The following ARL14EPL variants were observed in gnomAD, a reference collection of about 807,000 sequenced individuals.
ARL14EPL encodes the protein ARF like GTPase 14 effector protein like, also known as ARL14 effector protein-like.
Under a neutral mutation model 15.9 loss-of-function variants are expected in ARL14EPL, and 17 were observed. The ratio of observed to expected loss-of-function variants is 1.07; its 90% confidence interval spans 0.73 to 1.60. The LOEUF (loss-of-function observed/expected upper bound fraction) is 1.60, where lower values mean the gene tolerates loss of function less well. Ranked by LOEUF, ARL14EPL falls within the 40% of genes most tolerant of loss-of-function variation. ARL14EPL has a pLI of 0.00. For missense variants in ARL14EPL, 214 were observed against 185.9 expected, an observed-to-expected ratio of 1.15 and a Z score of -0.88; for synonymous variants, 78 against 63.8, an observed-to-expected ratio of 1.22 and a Z score of -1.06.
At chr5:116,051,346 C>T (rs1749372886) in intron 1 of ARL14EPL, 111 bp from the exon 2 acceptor site, 1 of 701,990 alleles carries the variant, frequency 1.4e-6, no homozygotes, top group African/African-American at 1.8e-5. Flanking sequence ...CAGATACAGT[C>T]TGGTTTTGAA....
Position 116,040,849 on chromosome 5 carries a change from CG to C in ARL14EPL, c.-10+8347del, listed in dbSNP as rs1192216879. Among the ~76,000 whole-genome samples, 335 of 145,974 alleles carry C rather than the reference CG, an allele frequency of 2.3e-3. 2 individuals carry two copies. Among genetic ancestry groups the C allele is most frequent in the African/African-American group, 8.0e-3 (321 of 40,044 alleles). ...AAAAAAAATTAGTCGGGCGTGGTGG[CG>C]GGCGCCTGTAGTCCCAGCTACTCGG... On this transcript the variant is annotated intron_variant, in intron 1 of 3. Transcript: ENST00000686077.
intron 1 of ARL14EPL, among the ~76,000 whole-genome samples, chr5:116,044,076 T>C (rs1749218352): frequency 1.3e-5 from 2 of 152,204 alleles, no homozygotes; most frequent in Non-Finnish European, 2.9e-5. Flanking sequence ...CTCAAAAATA[T>C]AGCAGTGGCT....
At chr5:116,037,523 G>A (rs1315408663) in intron 1 of ARL14EPL, among the ~76,000 whole-genome samples, 1 of 149,830 alleles carries the variant, frequency 6.7e-6, no homozygotes, top group Non-Finnish European at 1.5e-5. Flanking sequence ...CTCATTCCTG[G>A]TCACTAAGAT....
At chr5:116,051,834 A>G in intron 2 of ARL14EPL, 1 of 1,030,716 alleles carries the variant, frequency 9.7e-7, no homozygotes, top group Non-Finnish European at 1.4e-6. Flanking sequence ...AATATATACA[A>G]ACGTTTTTAT....
At chr5:116,052,922 G>T (rs1749420505) in intron 2 of ARL14EPL, among the ~76,000 whole-genome samples, 1 of 152,172 alleles carries the variant, frequency 6.6e-6, no homozygotes. Context: ...CTTCAAAAGA[G>T]CATTTTCTTC....
At chr5:116,053,957 T>A in intron 2 of ARL14EPL, 57 bp from the exon 3 acceptor site, 1 of 1,430,566 alleles carries the variant, frequency 7.0e-7, no homozygotes, top group Admixed American at 2.4e-5. Context: ...TTTGGGGAAA[T>A]GTAAAACAGA....
chr5:116,043,875 G>A (rs1192188759), intron 1 of ARL14EPL, among the ~76,000 whole-genome samples: 2 of 152,094 alleles, frequency 1.3e-5, no homozygotes, highest in East Asian at 1.9e-4. Flanking sequence ...TGTTGCTGTA[G>A]TACATTAGCA....
At position 116,051,576 on chromosome 5, in the gene ARL14EPL, T is replaced by C; in HGVS notation, c.96+15T>C. The C allele has an allele frequency of 6.6e-7, 1 of 1,510,382 alleles. No homozygotes were observed. The highest frequency in any genetic ancestry group is 8.9e-7 in the Non-Finnish European group (1 of 1,123,902). 93.6% of individuals were successfully genotyped at this position (1,510,382 alleles called of 1,614,324 possible). ...AGAAACAACTGGTATGGCACACAGA[T>C]TCTATGATTCCATGCTACTGGGGAG... On this transcript the variant is annotated intron_variant, in intron 2 of 3. Transcript: ENST00000686077.
intron 3 of ARL14EPL, 59 bp from the exon 4 acceptor site, chr5:116,058,666 T>G: frequency 6.8e-7 from 1 of 1,464,356 alleles, no homozygotes; most frequent in African/African-American, 1.4e-5. Flanking sequence ...TACATTAATT[T>G]ATTCTCAATG....
chr5:116,056,854 C>T (rs1176264522), intron 3 of ARL14EPL, among the ~76,000 whole-genome samples: 2 of 152,136 alleles, frequency 1.3e-5, no homozygotes, highest in East Asian at 1.9e-4. Flanking sequence ...CCAATTTCAG[C>T]TTTCTACATA....
intron 1 of ARL14EPL, among the ~76,000 whole-genome samples, chr5:116,033,841 A>G (rs1749001600): frequency 1.3e-5 from 2 of 152,342 alleles, no homozygotes; most frequent in South Asian, 2.1e-4. Flanking sequence ...AAAATAGAGT[A>G]TATGTTTGTG....
chr5:116,050,580 G>T (rs1749350591), intron 1 of ARL14EPL, among the ~76,000 whole-genome samples: 1 of 152,152 alleles, frequency 6.6e-6, no homozygotes. Flanking sequence ...GATGCTAAAT[G>T]AGTCAAGCCA....
chr5:116,042,224 G>C (rs902263585), intron 1 of ARL14EPL, among the ~76,000 whole-genome samples: 1 of 152,180 alleles, frequency 6.6e-6, no homozygotes, highest in African/African-American at 2.4e-5. Flanking sequence ...TTGAGTACTT[G>C]TGATGCACAT....
chr5:116,043,182 T>C (rs1580412447), intron 1 of ARL14EPL, among the ~76,000 whole-genome samples: 2 of 151,868 alleles, frequency 1.3e-5, no homozygotes, highest in Middle Eastern at 6.8e-3. Context: ...TTTAGTTTGG[T>C]GCAAAAGTAA....
At chr5:116,034,862 A>G (rs1035645678) in intron 1 of ARL14EPL, among the ~76,000 whole-genome samples, 2 of 152,222 alleles carry the variant, frequency 1.3e-5, no homozygotes, top group Non-Finnish European at 2.9e-5. Flanking sequence ...GAGAAGTGAA[A>G]AAACAAAAGA....
At chr5:116,038,540 T>C (rs1032070181) in intron 1 of ARL14EPL, among the ~76,000 whole-genome samples, 2 of 152,128 alleles carry the variant, frequency 1.3e-5, no homozygotes, top group Admixed American at 6.6e-5. Flanking sequence ...GCCTAAAATA[T>C]CATGCTGAGG....
intron 1 of ARL14EPL, among the ~76,000 whole-genome samples, chr5:116,047,885 T>C (rs1749303402): frequency 6.6e-6 from 1 of 152,170 alleles, no homozygotes; most frequent in Non-Finnish European, 1.5e-5. Flanking sequence ...CTAGTTTCTA[T>C]GGCCAGCCTC....
At chr5:116,036,478 T>C (rs985076818) in intron 1 of ARL14EPL, among the ~76,000 whole-genome samples, 1 of 152,234 alleles carries the variant, frequency 6.6e-6, no homozygotes, top group South Asian at 2.1e-4. Flanking sequence ...CAAGAAACTT[T>C]AGGTAAATGC....
intron 2 of ARL14EPL, chr5:116,052,385 A>T: frequency 2.8e-6 from 2 of 720,676 alleles, no homozygotes; most frequent in Non-Finnish European, 4.9e-6. Context: ...TTTTGTTATT[A>T]TTATGTCACG....
Sources: gnomAD v4.1 joint callset for allele counts (sites outside exome capture counted in the v4.1 genomes callset) on GRCh38, gnomAD v4.1.1 for gene constraint, MANE v1.5 for transcripts, NCBI Gene and HGNC (gene_info 2026-07-23, HGNC 2026-07-21) for gene names.